The following HCN1 variants were observed in gnomAD, a reference collection of about 807,000 sequenced individuals.
The protein encoded by HCN1 is potassium/sodium hyperpolarization-activated cyclic nucleotide-gated channel 1.
A neutral mutation model predicts 78.9 loss-of-function variants in HCN1; 13 were observed. That is an observed-to-expected ratio of 0.16 (90% CI 0.11 to 0.26). HCN1 has a LOEUF of 0.26. Ranked by LOEUF, HCN1 falls within the 10% of genes least tolerant of loss-of-function variation. The pLI, the probability that HCN1 is intolerant of heterozygous loss-of-function variation, is 1.00. For missense variants in HCN1, 810 were observed against 1,154.3 expected (o/e 0.70, Z 4.32); for synonymous variants, 552 against 455.5 (o/e 1.21, Z -2.70).
chr5:45,473,971 G>T (rs1407721261), intron 2 of HCN1, among the ~76,000 whole-genome samples: 1 of 151,686 alleles, frequency 6.6e-6, no homozygotes, highest in African/African-American at 2.4e-5. Flanking sequence ...CTTTGATACT[G>T]CTTTCTTGGT....
rs576180763 is a variant in HCN1, at chr5:45,271,288, C to T, written c.1619-4035G>A. Among the ~76,000 whole-genome samples, 6 of 150,858 alleles carry T rather than the reference C, an allele frequency of 4.0e-5. 1 individual carries two copies. In the South Asian group the frequency reaches 1.3e-3, roughly 32 times the overall value. ...GATATTCTAATTTGGTCTTTCTTGC[C>T]AGTTAATGAGGTAGAGTGCTGTTTG... On this transcript the variant is annotated intron_variant, in intron 6 of 7. Transcript: ENST00000303230.
chr5:45,536,971 A>G (rs1742979315), intron 2 of HCN1, among the ~76,000 whole-genome samples: 1 of 152,210 alleles, frequency 6.6e-6, no homozygotes, highest in Non-Finnish European at 1.5e-5. Context: ...ACCAGCATGC[A>G]TAATTTCTAG....
At chr5:45,664,202 G>A (rs1309679565) in intron 1 of HCN1, among the ~76,000 whole-genome samples, 3 of 75,396 alleles carry the variant, frequency 4.0e-5, no homozygotes, top group East Asian at 7.1e-4. Flanking sequence ...GTAAACTATC[G>A]CAAGAACAAA....
chr5:45,482,005 A>G (rs1253860621), intron 2 of HCN1, among the ~76,000 whole-genome samples: 1 of 152,192 alleles, frequency 6.6e-6, no homozygotes, highest in South Asian at 2.1e-4. Flanking sequence ...GTAGTTGGGT[A>G]TGTGATAGGT....
intron 5 of HCN1, among the ~76,000 whole-genome samples, chr5:45,344,974 T>C (rs1401355917): frequency 6.6e-6 from 1 of 152,118 alleles, no homozygotes; most frequent in Non-Finnish European, 1.5e-5. Flanking sequence ...CTAGCAGAGG[T>C]TCTCCATGAG....
intron 2 of HCN1, among the ~76,000 whole-genome samples, chr5:45,639,762 G>A (rs558137960): frequency 3.9e-5 from 6 of 152,204 alleles, no homozygotes; most frequent in Admixed American, 1.3e-4. Flanking sequence ...AAAAAAATGC[G>A]AGGAAGTGAT....
Position 45,311,474 on chromosome 5 carries a change from T to C in HCN1, c.1378-7635A>G, listed in dbSNP as rs529935716. ...CATCTTAGAAGGGAATTGATAATTT[T>C]TGCTAATATTTTATTTTGTTAAAAT... is the stretch of plus-strand genomic sequence containing the variant. On this transcript the variant is annotated intron_variant, in intron 5 of 7. Transcript: ENST00000303230. Among the ~76,000 whole-genome samples the C allele has an allele frequency of 3.5e-4, 54 of 152,304 alleles. 1 individual carries two copies. The highest frequency in any genetic ancestry group is 1.8e-3 in the Admixed American group (28 of 15,288).
intron 1 of HCN1, among the ~76,000 whole-genome samples, chr5:45,648,272 A>G (rs557387963): frequency 6.6e-6 from 1 of 152,228 alleles, no homozygotes; most frequent in South Asian, 2.1e-4. Flanking sequence ...TTGAAGGAAA[A>G]CTAATATCCC....
intron 2 of HCN1, among the ~76,000 whole-genome samples, chr5:45,499,272 G>C (rs923958795): frequency 1.3e-5 from 2 of 152,210 alleles, no homozygotes; most frequent in African/African-American, 4.8e-5. Flanking sequence ...CAAGCCACGT[G>C]CAGGATATAA....
rs183581051 is a variant in HCN1 at position 45,287,307 on chromosome 5, G to A, written c.1618+16292C>T. Among the ~76,000 whole-genome samples, 385 of 151,938 alleles carry A rather than the reference G, an allele frequency of 2.5e-3. 2 individuals carry two copies. Among genetic ancestry groups the A allele is most frequent in the African/African-American group, 8.7e-3 (361 of 41,466 alleles). On this transcript the variant is annotated intron_variant, in intron 6 of 7. Coordinates refer to ENST00000303230, the MANE Select transcript of HCN1 (RefSeq NM_021072.4). ...CATACATTTCTCAGGCTCCTCATTC[G>A]TATAAGAGGATTAGATAATGAATAA... is the stretch of plus-strand genomic sequence containing the variant.
intron 2 of HCN1, chr5:45,574,913 G>C (rs1310430044): frequency 6.6e-6 from 1 of 152,240 alleles, no homozygotes. Context: ...TTCAGTGAAG[G>C]CTGAGAGAAA....
intron 2 of HCN1, among the ~76,000 whole-genome samples, chr5:45,561,069 A>C (rs1743590131): frequency 6.6e-6 from 1 of 152,086 alleles, no homozygotes; most frequent in South Asian, 2.1e-4. Context: ...TTTTTTAAAG[A>C]GAAAACATGC....
intron 4 of HCN1, among the ~76,000 whole-genome samples, chr5:45,363,031 C>T (rs1373356652): frequency 6.7e-6 from 1 of 149,072 alleles, no homozygotes; most frequent in African/African-American, 2.5e-5. Flanking sequence ...TGATTACTAC[C>T]ATGATACTTA....
At chr5:45,503,136 C>A (rs1210121280) in intron 2 of HCN1, among the ~76,000 whole-genome samples, 1 of 152,108 alleles carries the variant, frequency 6.6e-6, no homozygotes, top group Non-Finnish European at 1.5e-5. Context: ...ATCAGAATAT[C>A]ACTGTTTTGC....
intron 2 of HCN1, among the ~76,000 whole-genome samples, chr5:45,630,893 T>G (rs976250805): frequency 6.6e-6 from 1 of 152,180 alleles, no homozygotes; most frequent in Non-Finnish European, 1.5e-5. Flanking sequence ...TTTTTGTGTA[T>G]TGTTGTAATG....
At chr5:45,402,631 A>C (rs1453671456) in intron 3 of HCN1, among the ~76,000 whole-genome samples, 2 of 152,180 alleles carry the variant, frequency 1.3e-5, no homozygotes, top group Non-Finnish European at 2.9e-5. Context: ...AACTTAAATA[A>C]TATAAAAGTA....
At chr5:45,491,796 G>A (rs183980125) in intron 2 of HCN1, among the ~76,000 whole-genome samples, 37 of 152,210 alleles carry the variant, frequency 2.4e-4, no homozygotes, top group Non-Finnish European at 2.8e-4. Flanking sequence ...AAAATTCCAG[G>A]TCTTGAGGAA....
rs535657317 is a variant in HCN1 at position 45,599,123 on chromosome 5, G to A, written c.849+46062C>T. ...ACACATGCACATGTATGTTTATTGC[G>A]GGACTATTCACAATAGCAAAGACTT... On this transcript the variant is annotated intron_variant, in intron 2 of 7. Transcript: ENST00000303230. 1.8e-4 allele frequency among the ~76,000 whole-genome samples: 27 copies of A among 152,176 alleles called. No homozygotes were observed. In the East Asian group the frequency reaches 2.3e-3, roughly 13 times the overall value.
intron 2 of HCN1, among the ~76,000 whole-genome samples, chr5:45,493,897 A>G (rs1741958115): frequency 1.3e-5 from 2 of 151,694 alleles, no homozygotes; most frequent in African/African-American, 2.4e-5. Flanking sequence ...GATGATTTCC[A>G]ATTTCATCCA....
Sources: allele counts gnomAD v4.1 joint callset (sites outside exome capture counted in the v4.1 genomes callset), GRCh38; gene constraint gnomAD v4.1.1; transcripts MANE v1.5; gene names NCBI Gene and HGNC (gene_info 2026-07-23, HGNC 2026-07-21).